The following DPH6 variants were observed in gnomAD, a reference collection of about 807,000 sequenced individuals.
DPH6 encodes diphthamine biosynthesis 6.
In DPH6, 33 loss-of-function variants were observed where a neutral mutation model predicts 38.2. That is an observed-to-expected ratio of 0.86 (90% CI 0.65 to 1.15). The LOEUF is 1.15. Among genes scored for constraint, DPH6 ranks in the 50% most tolerant of loss-of-function variants. The pLI is 0.00. For missense variants in DPH6, 325 were observed against 320.0 expected (o/e 1.02, Z -0.12); for synonymous variants, 108 against 103.0 (o/e 1.05, Z -0.30).
chr15:35,279,382 T>C (rs568551783), intron 3 of DPH6, among the ~76,000 whole-genome samples: 7 of 152,096 alleles, frequency 4.6e-5, no homozygotes, highest in African/African-American at 1.7e-4. Context: ...GGACATGAGA[T>C]TTGAGGAACC....
At chr15:35,395,061 G>A (rs1373638340) in intron 6 of DPH6, among the ~76,000 whole-genome samples, 1 of 152,170 alleles carries the variant, frequency 6.6e-6, no homozygotes, top group African/African-American at 2.4e-5. Flanking sequence ...AATTAAATAT[G>A]TGTAAGGTCA....
rs1031365029 is a variant in DPH6, at chr15:35,240,820, C to T, written n.201-20238G>A. Among the ~76,000 whole-genome samples, 27 of 143,388 alleles carry T rather than the reference C, an allele frequency of 1.9e-4. 7 individuals are homozygous for T. The highest frequency in any genetic ancestry group is 2.9e-4 in the Non-Finnish European group (19 of 65,416). The allele number at this position is 143,388 out of a possible 152,430, so 94.1% of individuals were successfully genotyped here. A position where few individuals can be genotyped will look rare whatever the true frequency, so the allele number is the denominator to read the frequency against. ...TACATTTTATTACCCAATCTGCTCCCGACATTAAATAAAACTCCAAAAATT... is the reference window on the plus strand; with the variant it reads ...TACATTTTATTACCCAATCTGCTCCTGACATTAAATAAAACTCCAAAAATT... On this transcript the variant is annotated intron_variant and non_coding_transcript_variant, in intron 3 of 3. Coordinates refer to the DPH6 transcript ENST00000560386.
At chr15:35,415,750 G>A (rs1467495129) in intron 5 of DPH6, among the ~76,000 whole-genome samples, 2 of 151,626 alleles carry the variant, frequency 1.3e-5, no homozygotes. Context: ...GTTATTCTTG[G>A]GCTAAGCACT....
intron 4 of DPH6, among the ~76,000 whole-genome samples, chr15:35,451,709 T>TAAAATAGA (rs2053935058): frequency 6.6e-6 from 1 of 152,172 alleles, no homozygotes; most frequent in East Asian, 1.9e-4. Flanking sequence ...GCCAATGTGA[T>TAAAATAGA]CCTTTTAAGA....
At chr15:35,435,842 ACTT>A (rs768195656) in intron 5 of DPH6, among the ~76,000 whole-genome samples, 2 of 150,930 alleles carry the variant, frequency 1.3e-5, no homozygotes, top group Non-Finnish European at 3.0e-5. Context: ...TTGTCCTTGG[ACTT>A]CTTCTGAGGG....
intron 3 of DPH6, among the ~76,000 whole-genome samples, chr15:35,336,890 T>C (rs1166319288): frequency 1.3e-5 from 2 of 152,098 alleles, no homozygotes; most frequent in African/African-American, 4.8e-5. Context: ...TCATCAAGGA[T>C]ATTGGTCTAA....
intron 6 of DPH6, among the ~76,000 whole-genome samples, chr15:35,402,027 T>C (rs1356351934): frequency 6.6e-6 from 1 of 152,222 alleles, no homozygotes; most frequent in Non-Finnish European, 1.5e-5. Flanking sequence ...AGGGTATCAA[T>C]GTAGATGTTT....
At chr15:35,412,666 A>G (rs577292077) in intron 5 of DPH6, among the ~76,000 whole-genome samples, 9 of 151,920 alleles carry the variant, frequency 5.9e-5, no homozygotes, top group African/African-American at 1.7e-4. Flanking sequence ...GCAGCTATCA[A>G]GCCATGAAAA....
At chr15:35,470,134 G>A (rs1022258369) in intron 3 of DPH6, among the ~76,000 whole-genome samples, 2 of 152,112 alleles carry the variant, frequency 1.3e-5, no homozygotes, top group Non-Finnish European at 2.9e-5. Context: ...GGAGGCAGAG[G>A]TTGCAGTGAG....
chr15:35,426,157 C>T (rs1439650403), intron 5 of DPH6, among the ~76,000 whole-genome samples: 3 of 151,292 alleles, frequency 2.0e-5, no homozygotes, highest in Non-Finnish European at 4.4e-5. Context: ...ATTTACAACA[C>T]ATGTTGGGAG....
intron 3 of DPH6, among the ~76,000 whole-genome samples, chr15:35,504,451 G>GATCTCTTTCTC (rs1443815657): frequency 1.3e-5 from 2 of 151,180 alleles, no homozygotes; most frequent in East Asian, 3.9e-4. Context: ...AGGTAAAACT[G>GATCTCTTTCTC]ATCTCTTTCT....
At chr15:35,409,543 T>G (rs547229641) in intron 6 of DPH6, among the ~76,000 whole-genome samples, 1 of 152,124 alleles carries the variant, frequency 6.6e-6, no homozygotes, top group Non-Finnish European at 1.5e-5. Context: ...ACTTAAAATC[T>G]AAACTTATGA....
intron 5 of DPH6, among the ~76,000 whole-genome samples, chr15:35,421,389 C>G (rs1197216753): frequency 6.6e-6 from 1 of 152,054 alleles, no homozygotes; most frequent in Admixed American, 6.6e-5. Context: ...CTTTTAAGAT[C>G]AATGGCATAC....
chr15:35,212,562 G>A (rs976660878), downstream of DPH6, among the ~76,000 whole-genome samples: 3 of 152,204 alleles, frequency 2.0e-5, no homozygotes, highest in Admixed American at 6.5e-5. Context: ...TTTACAAATA[G>A]TTTGCTTAGT....
intron 3 of DPH6, among the ~76,000 whole-genome samples, chr15:35,280,911 T>C (rs1255195265): frequency 2.0e-5 from 3 of 152,212 alleles, no homozygotes; most frequent in Non-Finnish European, 4.4e-5. Context: ...TTCTATGCTT[T>C]CTACTGGTGA....
the DPH6 span, among the ~76,000 whole-genome samples, chr15:35,191,490 A>G: frequency 1.3e-5 from 2 of 152,344 alleles, no homozygotes; most frequent in African/African-American, 4.8e-5. Flanking sequence ...AAAGACTAGC[A>G]TGCTTAAGTA....
At chr15:35,172,982 A>T in the DPH6 span, among the ~76,000 whole-genome samples, 5 of 151,874 alleles carry the variant, frequency 3.3e-5, no homozygotes, top group African/African-American at 1.2e-4. Context: ...AGACTTTTAT[A>T]AAAAAAATAC....
intron 3 of DPH6, among the ~76,000 whole-genome samples, chr15:35,263,962 C>T (rs2051766207): frequency 6.6e-6 from 1 of 152,110 alleles, no homozygotes; most frequent in Non-Finnish European, 1.5e-5. Context: ...ATCTGCCCAC[C>T]TCGGCCTCAC....
intron 3 of DPH6, among the ~76,000 whole-genome samples, chr15:35,501,836 G>A (rs977838281): frequency 6.6e-6 from 1 of 152,034 alleles, no homozygotes; most frequent in Admixed American, 6.6e-5. Flanking sequence ...TTTCTAAGCA[G>A]GGTAAAAAGG....
Sources: allele counts gnomAD v4.1 joint callset (sites outside exome capture counted in the v4.1 genomes callset), GRCh38; gene constraint gnomAD v4.1.1; transcripts MANE v1.5; gene names NCBI Gene and HGNC (gene_info 2026-07-23, HGNC 2026-07-21).